The following MMUT variants were observed in gnomAD, a reference collection of about 807,000 sequenced individuals.
MMUT encodes the protein methylmalonyl-CoA mutase, mitochondrial.
A neutral mutation model predicts 79.9 loss-of-function variants in MMUT; 79 were observed. That is an observed-to-expected ratio of 0.99 (90% CI 0.82 to 1.19). The LOEUF is 1.19. Among genes scored for constraint, MMUT ranks in the 50% most tolerant of loss-of-function variants. The probability of loss-of-function intolerance (pLI) is 0.00; values close to 1 mark genes in which losing one functional copy is unlikely to be tolerated. For synonymous variants in MMUT, 273 were observed against 295.7 expected (o/e 0.92, Z 0.79); for missense variants, 860 against 917.2 (o/e 0.94, Z 0.81).
intron 11 of MMUT, 82 bp from the exon 12 acceptor site, chr6:49,435,705 T>C: frequency 7.0e-7 from 1 of 1,434,832 alleles, no homozygotes; most frequent in African/African-American, 1.4e-5. Context: ...ATCTAGGCAA[T>C]ACCATTCAGA....
chr6:49,432,238 A>T (rs1766997785), intron 12 of MMUT, among the ~76,000 whole-genome samples: 1 of 152,066 alleles, frequency 6.6e-6, no homozygotes, highest in South Asian at 2.1e-4. Context: ...AGCCTAAAAA[A>T]CTATTTTCTC....
At chr6:49,444,354 G>A (rs1470843042) in intron 9 of MMUT, among the ~76,000 whole-genome samples, 1 of 152,052 alleles carries the variant, frequency 6.6e-6, no homozygotes, top group Non-Finnish European at 1.5e-5. Flanking sequence ...ATACTTGAGA[G>A]TCCAACACAT....
At chr6:49,437,188 C>T (rs1277181866) in intron 11 of MMUT, among the ~76,000 whole-genome samples, 2 of 152,232 alleles carry the variant, frequency 1.3e-5, no homozygotes, top group East Asian at 3.9e-4. Flanking sequence ...TTCATCGTTA[C>T]ATTATTTCCC....
At chr6:49,436,655 T>C (rs547312238) in intron 11 of MMUT, among the ~76,000 whole-genome samples, 2 of 151,418 alleles carry the variant, frequency 1.3e-5, no homozygotes, top group Non-Finnish European at 2.9e-5. Context: ...TGTAGCACTA[T>C]TCACCACAGC....
intron 11 of MMUT, among the ~76,000 whole-genome samples, chr6:49,437,090 T>C (rs1319751548): frequency 6.6e-6 from 1 of 152,190 alleles, no homozygotes; most frequent in Non-Finnish European, 1.5e-5. Flanking sequence ...AATAATATTT[T>C]TTTGAATACT....
chr6:49,434,857 A>AT (rs1038652446), intron 12 of MMUT, among the ~76,000 whole-genome samples: 12 of 152,196 alleles, frequency 7.9e-5, no homozygotes, highest in African/African-American at 2.9e-4. Context: ...GCAATAGGAT[A>AT]TTTTTGGCTC....
At position 49,444,654 on chromosome 6, in the gene MMUT, T is replaced by A; in HGVS notation, c.1661A>T (p.Asp554Val). 5 of 1,613,112 alleles carry A rather than the reference T, an allele frequency of 3.1e-6. No individual in the cohort carries two copies. Among genetic ancestry groups the A allele is most frequent in the Non-Finnish European group, 4.2e-6 (5 of 1,179,210 alleles). Residue 554 changes from aspartate (D) to valine (V), a missense_variant, in exon 9 of 13, where the codon GAT (aspartate) becomes GTT (valine). Physicochemically the swap from Asp to Val is radical, Grantham distance 152 (BLOSUM62 -3). Coordinates refer to ENST00000274813, the MANE Select transcript of MMUT (RefSeq NM_000255.4). ...GDGNILALAV[D>V]ASRARCTVGE... ...ATATCTTCACCTTGCCCGAGATGCA[T>A]CCACTGCAAGAGCCAGGATATTTCC...
chr6:49,439,245 G>A (rs1767209332), intron 11 of MMUT, among the ~76,000 whole-genome samples: 3 of 152,150 alleles, frequency 2.0e-5, no homozygotes, highest in African/African-American at 7.2e-5. Context: ...GTGACTTGAT[G>A]ACCCATAGTC....
chr6:49,453,526 C>A (rs1250561891), intron 5 of MMUT, 59 bp downstream of exon 5: 7 of 949,404 alleles, frequency 7.4e-6, no homozygotes, highest in Non-Finnish European at 1.0e-5. Flanking sequence ...CCACATTGCT[C>A]AGAAAAAATA....
At chr6:49,444,804 A>G (rs1444145610) in intron 8 of MMUT, 50 bp from the exon 9 acceptor site, 2 of 1,460,456 alleles carry the variant, frequency 1.4e-6, no homozygotes, top group Non-Finnish European at 1.9e-6. Flanking sequence ...AGAGAATAAA[A>G]CAGAGATCAA....
intron 4 of MMUT, among the ~76,000 whole-genome samples, chr6:49,454,988 A>G (rs1447882461): frequency 6.6e-6 from 1 of 152,140 alleles, no homozygotes; most frequent in Non-Finnish European, 1.5e-5. Flanking sequence ...TGAGGCTGCA[A>G]TGAGCAGTGA....
At chr6:49,443,632 T>C (rs1390729996) in intron 9 of MMUT, among the ~76,000 whole-genome samples, 1 of 152,006 alleles carries the variant, frequency 6.6e-6, no homozygotes, top group East Asian at 1.9e-4. Flanking sequence ...TTATATATGA[T>C]ACATATAATG....
intron 8 of MMUT, among the ~76,000 whole-genome samples, 177 bp downstream of exon 8, chr6:49,447,493 T>C (rs1482781482): frequency 6.6e-6 from 1 of 151,842 alleles, no homozygotes; most frequent in East Asian, 1.9e-4. Context: ...TGTCTATTTA[T>C]CCTGAGCAAG....
In MMUT at chr6:49,448,870, G is replaced by C; in HGVS notation, c.1390C>G (p.Pro464Ala). Residue 464 changes from proline to alanine, a missense_variant, in exon 7 of 13, where the codon CCT becomes GCT. By Grantham distance (27) the Pro-to-Ala change is conservative. Transcript: ENST00000274813. ...GCACATTCTTCAATTCGAAGTTTAG[G>C]TATTCCCTCAGCTACAGCTTTGGCC... ...GMAKAVAEGI[P>A]KLRIEECAAR... The C allele has an allele frequency of 1.2e-6, 2 of 1,613,502 alleles. No individual in the cohort carries two copies. The highest frequency in any genetic ancestry group is 1.7e-6 in the Non-Finnish European group (2 of 1,179,666).
rs1766950629 is a variant in MMUT, at chr6:49,430,650, T to C, written c.*1078A>G. 6.6e-6 allele frequency: 1 copy of C among 152,214 alleles called. No individual in the cohort carries two copies. Among genetic ancestry groups the C allele is most frequent in the Non-Finnish European group, 1.5e-5 (1 of 68,032 alleles). The allele number at this position is 152,214 out of a possible 1,614,324, so 9.4% of individuals were successfully genotyped here. On this transcript the variant is annotated 3_prime_UTR_variant, in exon 13 of 13. Coordinates refer to ENST00000274813, the MANE Select transcript of MMUT (RefSeq NM_000255.4). ...TATAATACTTTCCAAAAGACTGCTC[T>C]CTGATCTAATACAATAGAAATTTAT...
intron 9 of MMUT, chr6:49,443,825 A>T (rs1008995908): frequency 6.8e-6 from 3 of 439,234 alleles, no homozygotes; most frequent in South Asian, 4.9e-5. Context: ...AAGCAGATAT[A>T]ACATGAGATT....
intron 1 of MMUT, 36 bp from the exon 2 acceptor site, chr6:49,459,541 G>A: frequency 6.7e-7 from 1 of 1,502,640 alleles, no homozygotes; most frequent in Non-Finnish European, 9.1e-7. Flanking sequence ...ACATTTAGAA[G>A]AGGGGGTGGG....
chr6:49,461,176 A>AG (rs1767831008), intron 1 of MMUT, among the ~76,000 whole-genome samples: 1 of 152,232 alleles, frequency 6.6e-6, no homozygotes, highest in Non-Finnish European at 1.5e-5. Flanking sequence ...ATGGTTACTT[A>AG]ATGGTTGCTA....
intron 12 of MMUT, among the ~76,000 whole-genome samples, chr6:49,432,094 C>G (rs969153423): frequency 2.6e-5 from 4 of 152,130 alleles, no homozygotes; most frequent in African/African-American, 9.7e-5. Context: ...CTAAATGCCT[C>G]TATGTGTTGC....
Sources: allele counts gnomAD v4.1 joint callset (sites outside exome capture counted in the v4.1 genomes callset), GRCh38; gene constraint gnomAD v4.1.1; transcripts MANE v1.5; gene names NCBI Gene and HGNC (gene_info 2026-07-23, HGNC 2026-07-21).